ADGRF3: variants seen among roughly 807,000 people sequenced by gnomAD.
ADGRF3 encodes adhesion G protein-coupled receptor F3, also known as G protein-coupled receptor 113.
A neutral mutation model predicts 93.2 loss-of-function variants in ADGRF3; 85 were observed. That is an observed-to-expected ratio of 0.91 (90% CI 0.77 to 1.09). The LOEUF is 1.09. Among genes scored for constraint, ADGRF3 ranks in the 50% least tolerant of loss-of-function variants. The probability of loss-of-function intolerance (pLI) is 0.00; values close to 1 mark genes in which losing one functional copy is unlikely to be tolerated. For synonymous variants in ADGRF3, 534 were observed against 532.5 expected (o/e 1.00, Z -0.04); for missense variants, 1,125 against 1,246.2 (o/e 0.90, Z 1.46).
chr2:26,308,901 C>A lies in ADGRF3; in HGVS notation c.*185G>T, dbSNP rs372074175. 2.3e-4 allele frequency: 161 copies of A among 713,496 alleles called. 2 individuals carry two copies. In the East Asian group the frequency reaches 3.2e-3, roughly 14 times the overall value. 44.2% of individuals were successfully genotyped at this position (713,496 alleles called of 1,614,324 possible). A position where few individuals can be genotyped will look rare whatever the true frequency, so the allele number is the denominator to read the frequency against. On this transcript the variant is annotated 3_prime_UTR_variant, in exon 14 of 14. Transcript: ENST00000651242. ...TTTTTCCTGCTATTCTTGCTGGATA[C>A]TTTAGAAATGAGAAGGGGTGAGCTG... is the stretch of plus-strand genomic sequence containing the variant.
intron 1 of ADGRF3, among the ~76,000 whole-genome samples, chr2:26,319,891 G>T (rs1675049299): frequency 1.3e-5 from 2 of 152,006 alleles, no homozygotes. Context: ...CACTGCACTG[G>T]CCTAGAGTCT....
rs193105841 is a variant in ADGRF3, at chr2:26,346,493, C to A, written c.-259G>T. On this transcript the variant is annotated 5_prime_UTR_variant, in exon 1 of 14. Transcript: ENST00000651242. ...TAAGCCCGCCGCCCGTAGTCGGCAC[C>A]CCCCGGGAGATTTCCTTTTCCTTAG... 114 of 536,600 alleles carry A rather than the reference C, an allele frequency of 2.1e-4. No homozygotes were observed. Among genetic ancestry groups the A allele is most frequent in the African/African-American group, 1.9e-3 (93 of 49,460 alleles). The allele number at this position is 536,600 out of a possible 1,614,324, so 33.2% of individuals were successfully genotyped here.
In ADGRF3 at chr2:26,336,722, T is replaced by TAAAAAAA. The variant is rs57691864; in HGVS notation, c.114+9392_114+9398dup. Among the ~76,000 whole-genome samples the TAAAAAAA allele has an allele frequency of 1.1e-3, 24 of 22,078 alleles. 3 individuals are homozygous for TAAAAAAA. Among genetic ancestry groups the TAAAAAAA allele is most frequent in the South Asian group, 3.6e-3 (2 of 550 alleles). The allele number at this position is 22,078 out of a possible 152,430, so 14.5% of individuals were successfully genotyped here. On this transcript the variant is annotated intron_variant, in intron 1 of 13. Transcript: ENST00000651242. Reference sequence around the variant, plus strand: ...ACCTTGGTGACAGAGTGAGACTCCATAAAAAAAAAAAAAAAAAAAAAAAAA... The same window carrying TAAAAAAA: ...ACCTTGGTGACAGAGTGAGACTCCATAAAAAAAAAAAAAAAAAAAAAAAAAAAAAAAA...
chr2:26,311,836 G>A lies in ADGRF3; in HGVS notation c.1688C>T (p.Pro563Leu). 1 of 1,613,900 alleles carries A rather than the reference G, an allele frequency of 6.2e-7. No homozygotes were observed. The highest frequency in any genetic ancestry group is 8.5e-7 in the Non-Finnish European group (1 of 1,179,844). ...ADYSISFPTRPPLQAQIPRHS... is the reference protein window; with the variant it reads ...ADYSISFPTRLPLQAQIPRHS... ...CCTGGGAATCTGAGCCTGCAGTGGGGGCCGAGTAGGGAAGGAGATGCTGTA... is the reference window on the plus strand; with the variant it reads ...CCTGGGAATCTGAGCCTGCAGTGGGAGCCGAGTAGGGAAGGAGATGCTGTA... Residue 563 changes from proline to leucine, a missense_variant, in exon 10 of 14, where the codon CCC becomes CTC. Physicochemically the swap from Pro to Leu is moderately conservative, Grantham distance 98. Coordinates refer to ENST00000651242, the MANE Select transcript of ADGRF3 (RefSeq NM_001321971.2).
At chr2:26,329,014 A>G (rs1271213727) in intron 1 of ADGRF3, among the ~76,000 whole-genome samples, 1 of 152,252 alleles carries the variant, frequency 6.6e-6, no homozygotes, top group East Asian at 1.9e-4. Context: ...AATTATGAAT[A>G]TTGAGAGGGA....
intron 2 of ADGRF3, 129 bp from the exon 3 acceptor site, chr2:26,317,184 G>A (rs1674776759): frequency 1.0e-6 from 1 of 975,246 alleles, no homozygotes; most frequent in Non-Finnish European, 1.5e-6. Flanking sequence ...GCCTGTCCAG[G>A]TGCATATAGA....
chr2:26,310,098 T>G lies in ADGRF3; in HGVS notation c.2882A>C (p.Glu961Ala). ...GCGGCAGAAGCGTTTGCGCAAAGCT[T>G]CTTGTATCTGCGGGAGAGGTAAATG... ...FGCLMDRKIQ[E>A]ALRKRFCRAQ... Residue 961 changes from glutamate (E) to alanine (A), a missense_variant, in exon 12 of 14, where the codon GAA becomes GCA. By Grantham distance (107) the Glu-to-Ala change is moderately radical. Coordinates refer to ENST00000651242, the MANE Select transcript of ADGRF3 (RefSeq NM_001321971.2). 6.2e-7 allele frequency: 1 copy of G among 1,613,990 alleles called. No individual in the cohort carries two copies. The highest frequency in any genetic ancestry group is 8.5e-7 in the Non-Finnish European group (1 of 1,179,894).
At chr2:26,340,378 T>C (rs1194231266) in intron 1 of ADGRF3, 1 of 152,206 alleles carries the variant, frequency 6.6e-6, no homozygotes, top group Non-Finnish European at 1.5e-5. Flanking sequence ...CTTGTTCCAC[T>C]TAGGATTTTT....
intron 1 of ADGRF3, among the ~76,000 whole-genome samples, chr2:26,326,688 G>A (rs1227705236): frequency 6.6e-6 from 1 of 152,106 alleles, no homozygotes; most frequent in Non-Finnish European, 1.5e-5. Flanking sequence ...AGAACCTATT[G>A]TTCATGAGTA....
At position 26,312,925 on chromosome 2, in the gene ADGRF3, G is replaced by A. The variant is rs1674315215; in HGVS notation, c.1449+18C>T. Reference sequence around the variant, plus strand: ...CCCGACTGCCCAGCTGGCCCCCACTGTGGCTCAGAGATCTCACCTTCAGGG... The same window carrying A: ...CCCGACTGCCCAGCTGGCCCCCACTATGGCTCAGAGATCTCACCTTCAGGG... On this transcript the variant is annotated intron_variant, in intron 9 of 13. Coordinates refer to ENST00000651242, the MANE Select transcript of ADGRF3 (RefSeq NM_001321971.2). 1 of 1,592,744 alleles carries A rather than the reference G, an allele frequency of 6.3e-7. No individual in the cohort carries two copies. The highest frequency in any genetic ancestry group is 8.6e-7 in the Non-Finnish European group (1 of 1,168,618).
At chr2:26,325,947 T>C (rs548016903) in intron 1 of ADGRF3, among the ~76,000 whole-genome samples, 3 of 152,172 alleles carry the variant, frequency 2.0e-5, no homozygotes, top group African/African-American at 4.8e-5. Context: ...ATATAAGATA[T>C]ACAAATCCTG....
chr2:26,313,993 G>T, intron 6 of ADGRF3, 90 bp from the exon 7 acceptor site: 1 of 1,502,494 alleles, frequency 6.7e-7, no homozygotes. Flanking sequence ...AGTCTTTCTA[G>T]CAATTCAGAA....
chr2:26,343,815 C>T (rs1676535201), intron 1 of ADGRF3, among the ~76,000 whole-genome samples: 2 of 152,138 alleles, frequency 1.3e-5, no homozygotes, highest in South Asian at 4.1e-4. Context: ...CAGCCAGTAA[C>T]ATGTCAAAGT....
intron 1 of ADGRF3, among the ~76,000 whole-genome samples, chr2:26,325,629 C>T (rs1318495967): frequency 6.6e-6 from 1 of 152,176 alleles, no homozygotes; most frequent in East Asian, 1.9e-4. Context: ...GGGGTCTTCA[C>T]AAAAGTTTCA....
chr2:26,326,454 T>C (rs113165763), intron 1 of ADGRF3, among the ~76,000 whole-genome samples: 10 of 152,264 alleles, frequency 6.6e-5, no homozygotes, highest in African/African-American at 2.2e-4. Context: ...TTTCCCTCTG[T>C]GGAAATGGGA....
At chr2:26,319,122 G>C (rs1674954041) in intron 1 of ADGRF3, 1 of 1,463,392 alleles carries the variant, frequency 6.8e-7, no homozygotes. Flanking sequence ...GCAGTGTGCA[G>C]ATGGGATGGG....
intron 1 of ADGRF3, chr2:26,319,071 C>T (rs1032199405): frequency 6.5e-7 from 1 of 1,536,664 alleles, no homozygotes; most frequent in Admixed American, 2.0e-5. Flanking sequence ...GCAGTCCCTA[C>T]AAGCCCACGA....
At chr2:26,309,688 G>A in intron 12 of ADGRF3, 107 bp from the exon 13 acceptor site, 1 of 1,437,110 alleles carries the variant, frequency 7.0e-7, no homozygotes, top group Non-Finnish European at 9.5e-7. Flanking sequence ...TCCTGCCTGT[G>A]CTGCAGGAAT....
In ADGRF3 at chr2:26,316,359, A is replaced by G. The variant is rs1223164111; in HGVS notation, c.415T>C (p.Cys139Arg). ...NTSICLHYPP[C>R]QSLHNHQPCG... ...GGCTGGTGGTTGTGGAGGCTTTGACAAGGAGGGTAATGGAGGCAGATGCTG... is the reference window on the plus strand; with the variant it reads ...GGCTGGTGGTTGTGGAGGCTTTGACGAGGAGGGTAATGGAGGCAGATGCTG... The change falls in exon 4 of 14, where the codon TGT becomes CGT. Residue 139 changes from cysteine (C) to arginine (R), a missense_variant. By Grantham distance (180) the Cys-to-Arg change is radical. Transcript: ENST00000651242. 4.5e-6 allele frequency: 7 copies of G among 1,551,888 alleles called. No homozygotes were observed. The highest frequency in any genetic ancestry group is 5.2e-6 in the Non-Finnish European group (6 of 1,147,020).
Sources: gnomAD v4.1 joint callset for allele counts (sites outside exome capture counted in the v4.1 genomes callset) on GRCh38, gnomAD v4.1.1 for gene constraint, MANE v1.5 for transcripts, NCBI Gene and HGNC (gene_info 2026-07-23, HGNC 2026-07-21) for gene names.